GNAQ: variants seen among roughly 807,000 people sequenced by gnomAD.
GNAQ encodes the protein G protein subunit alpha q.
GNAQ carries 8 observed loss-of-function variants against 43.9 expected under a neutral mutation model. The observed-to-expected ratio is 0.18, with a 90% CI of 0.11 to 0.33. GNAQ has a LOEUF of 0.33. GNAQ is among the 10% of genes least tolerant of loss of function. GNAQ has a pLI of 1.00. For missense variants in GNAQ, 158 were observed against 450.8 expected (o/e 0.35, Z 5.88); for synonymous variants, 155 against 170.7 (o/e 0.91, Z 0.71).
chr9:77,755,178 T>C (rs535915776), intron 5 of GNAQ, among the ~76,000 whole-genome samples: 20 of 152,238 alleles, frequency 1.3e-4, no homozygotes, highest in Admixed American at 2.6e-4. Flanking sequence ...GAGCTAAAAA[T>C]TGAAACAAAT....
intron 1 of GNAQ, among the ~76,000 whole-genome samples, chr9:78,002,848 C>T (rs186297015): frequency 6.6e-6 from 1 of 152,158 alleles, no homozygotes; most frequent in Non-Finnish European, 1.5e-5. Flanking sequence ...TTTCTCCCCA[C>T]CTAAATGACT....
At chr9:77,746,440 A>C (rs1012918981) in intron 5 of GNAQ, among the ~76,000 whole-genome samples, 6 of 152,174 alleles carry the variant, frequency 3.9e-5, no homozygotes, top group African/African-American at 1.4e-4. Flanking sequence ...GAGATCTCTG[A>C]TTTAAAATGA....
At chr9:77,812,315 G>A (rs1375033953) in intron 3 of GNAQ, among the ~76,000 whole-genome samples, 2 of 152,072 alleles carry the variant, frequency 1.3e-5, no homozygotes, top group Non-Finnish European at 2.9e-5. Context: ...TATAATGGAG[G>A]GTGCCACTAC....
chr9:77,872,571 A>G (rs951153501), intron 2 of GNAQ, among the ~76,000 whole-genome samples: 4 of 152,212 alleles, frequency 2.6e-5, no homozygotes, highest in Non-Finnish European at 5.9e-5. Flanking sequence ...ATATTTCATA[A>G]CAGGGTGTAG....
intron 5 of GNAQ, among the ~76,000 whole-genome samples, chr9:77,787,738 C>T (rs968630505): frequency 4.6e-5 from 7 of 152,062 alleles, no homozygotes; most frequent in Non-Finnish European, 1.0e-4. Context: ...TAAATTAAAA[C>T]GCTTCTGCTG....
rs565554262 is a variant in GNAQ at position 77,963,961 on chromosome 9, C to T, written c.137-41616G>A. Among the ~76,000 whole-genome samples, 142 of 152,282 alleles carry T rather than the reference C, an allele frequency of 9.3e-4. 1 individual carries two copies. The highest frequency in any genetic ancestry group is 2.9e-3 in the Admixed American group (45 of 15,300). ...AATAATGTAAAAAAGACTGCCTTGA[C>T]ATGGTTAAATCATCAGGACCCTCAA... On this transcript the variant is annotated intron_variant, in intron 1 of 6. Transcript: ENST00000286548.
chr9:77,955,393 G>T (rs1056076406), intron 1 of GNAQ, among the ~76,000 whole-genome samples: 12 of 152,014 alleles, frequency 7.9e-5, no homozygotes, highest in Non-Finnish European at 1.6e-4. Flanking sequence ...CACCTGCCTC[G>T]GCCTCCCAAA....
chr9:77,999,554 T>C (rs1824518478), intron 1 of GNAQ, among the ~76,000 whole-genome samples: 2 of 152,176 alleles, frequency 1.3e-5, no homozygotes, highest in East Asian at 1.9e-4. Flanking sequence ...ACTAAGGAAT[T>C]AGGCCTCCTA....
intron 5 of GNAQ, among the ~76,000 whole-genome samples, chr9:77,765,869 G>C (rs1483273446): frequency 2.6e-5 from 4 of 152,170 alleles, no homozygotes; most frequent in Admixed American, 6.5e-5. Context: ...ACAAAATGTG[G>C]TTTACACATA....
chr9:77,835,873 T>C (rs1449731269), intron 2 of GNAQ, among the ~76,000 whole-genome samples: 1 of 152,194 alleles, frequency 6.6e-6, no homozygotes, highest in African/African-American at 2.4e-5. Flanking sequence ...TTCTCTTGCC[T>C]GTCTTTTATT....
At chr9:77,999,868 A>G (rs1823622091) in intron 1 of GNAQ, among the ~76,000 whole-genome samples, 1 of 152,218 alleles carries the variant, frequency 6.6e-6, no homozygotes, top group African/African-American at 2.4e-5. Context: ...CTATAACAGT[A>G]TTAGTTCCCT....
At chr9:77,917,349 G>A (rs1317921525) in intron 2 of GNAQ, among the ~76,000 whole-genome samples, 2 of 151,868 alleles carry the variant, frequency 1.3e-5, no homozygotes, top group Admixed American at 6.6e-5. Context: ...AAAGCACATC[G>A]GTATAAAGAG....
intron 1 of GNAQ, among the ~76,000 whole-genome samples, chr9:77,984,685 C>T (rs1182695051): frequency 6.6e-6 from 1 of 152,136 alleles, no homozygotes; most frequent in Non-Finnish European, 1.5e-5. Context: ...CAAAAACCTG[C>T]AGTTTTAAGA....
chr9:77,971,623 C>T (rs554835957), intron 1 of GNAQ, among the ~76,000 whole-genome samples: 5 of 152,302 alleles, frequency 3.3e-5, no homozygotes, highest in South Asian at 2.1e-4. Context: ...ATCAATGGAA[C>T]GTATCTCAAA....
intron 1 of GNAQ, among the ~76,000 whole-genome samples, chr9:77,952,632 CTTAT>C (rs1234831054): frequency 2.6e-5 from 4 of 152,050 alleles, no homozygotes; most frequent in South Asian, 2.1e-4. Flanking sequence ...CAAGTTACTC[CTTAT>C]TTATTAAATT....
intron 2 of GNAQ, among the ~76,000 whole-genome samples, chr9:77,900,002 T>C (rs1234921630): frequency 6.6e-6 from 1 of 152,192 alleles, no homozygotes; most frequent in Non-Finnish European, 1.5e-5. Context: ...CTGTCCACTC[T>C]GGGATGTACT....
chr9:77,900,970 A>G (rs1371471425), intron 2 of GNAQ, among the ~76,000 whole-genome samples: 1 of 152,112 alleles, frequency 6.6e-6, no homozygotes, highest in Non-Finnish European at 1.5e-5. Flanking sequence ...GCAAATTTCC[A>G]CTGACCAACA....
chr9:77,956,382 T>C (rs1823040718), intron 1 of GNAQ, among the ~76,000 whole-genome samples: 1 of 152,228 alleles, frequency 6.6e-6, no homozygotes, highest in Non-Finnish European at 1.5e-5. Flanking sequence ...TGTGATCCTG[T>C]TATTCACTAC....
chr9:77,862,897 C>T (rs556508895), intron 2 of GNAQ, among the ~76,000 whole-genome samples: 18 of 152,212 alleles, frequency 1.2e-4, no homozygotes, highest in African/African-American at 2.4e-4. Flanking sequence ...AAATTTCTTC[C>T]GCCAGACACG....
Sources: allele counts gnomAD v4.1 joint callset (sites outside exome capture counted in the v4.1 genomes callset), GRCh38; gene constraint gnomAD v4.1.1; transcripts MANE v1.5; gene names NCBI Gene and HGNC (gene_info 2026-07-23, HGNC 2026-07-21).